The following PALLD variants were observed in gnomAD, a reference collection of about 807,000 sequenced individuals.
PALLD encodes the protein palladin, cytoskeletal associated protein.
In PALLD, 61 loss-of-function variants were observed where a neutral mutation model predicts 123.5. The observed-to-expected ratio is 0.49, with a 90% CI of 0.40 to 0.61. PALLD has a LOEUF of 0.61. Among genes scored for constraint, PALLD ranks in the 20% least tolerant of loss-of-function variants. The probability of loss-of-function intolerance (pLI) is 0.00; values close to 1 mark genes in which losing one functional copy is unlikely to be tolerated. For missense variants in PALLD, 1,273 were observed against 1,377.0 expected (o/e 0.92, Z 1.20); for synonymous variants, 465 against 496.4 (o/e 0.94, Z 0.84).
At chr4:168,546,551 C>T (rs1397392371) in intron 2 of PALLD, among the ~76,000 whole-genome samples, 1 of 152,080 alleles carries the variant, frequency 6.6e-6, no homozygotes, top group Non-Finnish European at 1.5e-5. Flanking sequence ...GAAGATGGAT[C>T]TTAGAGCCAG....
chr4:168,844,578 C>T lies in PALLD; in HGVS notation c.1965-46344C>T, dbSNP rs1746527430. 1 of 152,156 alleles carries T rather than the reference C, an allele frequency of 6.6e-6. No homozygotes were observed. Among genetic ancestry groups the T allele is most frequent in the African/African-American group, 2.4e-5 (1 of 41,430 alleles). The allele number at this position is 152,156 out of a possible 1,614,324, so 9.4% of individuals were successfully genotyped here. A position where few individuals can be genotyped will look rare whatever the true frequency, so the allele number is the denominator to read the frequency against. ...AAAACTGTGCCATCAGCGCAAGACC[C>T]TGTGATTTCTGTGGTATTCTAATTT... On this transcript the variant is annotated intron_variant, in intron 10 of 21. Transcript: ENST00000505667. This position sits in a 1 kb window ranked among gnomAD's most constrained non-coding sequence, Gnocchi z 4.5.
Position 168,597,360 on chromosome 4 carries a change from A to G in PALLD, c.909-70830A>G, listed in dbSNP as rs192760749. 1.1e-3 allele frequency among the ~76,000 whole-genome samples: 168 copies of G among 152,216 alleles called. 1 individual carries two copies. The highest frequency in any genetic ancestry group is 3.5e-3 in the African/African-American group (145 of 41,564). On this transcript the variant is annotated intron_variant, in intron 2 of 21. Coordinates refer to ENST00000505667, the MANE Select transcript of PALLD (RefSeq NM_001166108.2). ...GTGCCTGAAACTCATACAGTTTTGG[A>G]GACTTCTTTAAGAAAAAGAATACAA...
chr4:168,512,085 A>G lies in PALLD; in HGVS notation c.581A>G (p.Asn194Ser). ...GCAAAGCCAAGAAACAGAAGCCCAAATGGGGAGTCCTCGTCACCAGACAGT... is the reference window on the plus strand; with the variant it reads ...GCAAAGCCAAGAAACAGAAGCCCAAGTGGGGAGTCCTCGTCACCAGACAGT... The part of the protein sequence containing the change: ...KAAKPRNRSP[N>S]GESSSPDSGY... The change falls in exon 2 of 22, where the codon AAT (asparagine) becomes AGT (serine). Residue 194 changes from asparagine to serine, a missense_variant. This residue lies in a region of PALLD where 944 missense variants were observed against 954.5 expected (regional missense o/e 0.99). Coordinates refer to ENST00000505667, the MANE Select transcript of PALLD (RefSeq NM_001166108.2). 1 of 1,614,192 alleles carries G rather than the reference A, an allele frequency of 6.2e-7. No individual in the cohort carries two copies. The highest frequency in any genetic ancestry group is 8.5e-7 in the Non-Finnish European group (1 of 1,180,020).
At chr4:168,911,858 A>C (rs1387801966) in intron 15 of PALLD, among the ~76,000 whole-genome samples, 2 of 152,190 alleles carry the variant, frequency 1.3e-5, no homozygotes, top group Non-Finnish European at 2.9e-5. Context: ...CCTCAATAGC[A>C]AACACCGTGA....
At chr4:168,526,551 A>G (rs1301977420) in intron 2 of PALLD, among the ~76,000 whole-genome samples, 1 of 152,120 alleles carries the variant, frequency 6.6e-6, no homozygotes, top group Non-Finnish European at 1.5e-5. Flanking sequence ...CTCTTGCCTC[A>G]CTTTCTTCCA....
intron 10 of PALLD, among the ~76,000 whole-genome samples, chr4:168,746,298 G>A (rs1017819616): frequency 1.4e-5 from 2 of 146,398 alleles, no homozygotes; most frequent in Admixed American, 7.0e-5. Context: ...GGAGAATGGC[G>A]TGAACCCGGG....
intron 2 of PALLD, among the ~76,000 whole-genome samples, chr4:168,600,040 T>C (rs1203916551): frequency 6.6e-6 from 1 of 150,774 alleles, no homozygotes. Flanking sequence ...CATACATACA[T>C]GTGTATACAC....
chr4:168,561,142 C>G (rs947205422), intron 2 of PALLD, among the ~76,000 whole-genome samples: 1 of 152,170 alleles, frequency 6.6e-6, no homozygotes, highest in African/African-American at 2.4e-5. Context: ...TCCCTGGATG[C>G]AGTCAAGGAT....
chr4:168,499,876 T>C (rs1284085863), intron 1 of PALLD, among the ~76,000 whole-genome samples: 1 of 149,304 alleles, frequency 6.7e-6, no homozygotes, highest in Non-Finnish European at 1.5e-5. Flanking sequence ...AACTTTTTCT[T>C]TCAAAATTGT....
At chr4:168,544,456 T>C (rs1471847373) in intron 2 of PALLD, among the ~76,000 whole-genome samples, 1 of 152,262 alleles carries the variant, frequency 6.6e-6, no homozygotes, top group Non-Finnish European at 1.5e-5. Context: ...GTGTATCCAT[T>C]AATGGAAAAC....
intron 17 of PALLD, among the ~76,000 whole-genome samples, chr4:168,916,469 A>G (rs1236665562): frequency 1.6e-5 from 2 of 121,992 alleles, no homozygotes; most frequent in South Asian, 3.3e-4. Context: ...GGATATTTAT[A>G]TATTGTTTAC....
chr4:168,847,287 C>T (rs768641436), intron 10 of PALLD, among the ~76,000 whole-genome samples: 2 of 152,136 alleles, frequency 1.3e-5, no homozygotes, highest in African/African-American at 2.4e-5. Context: ...ACACTATTTG[C>T]ACTAATGAGT....
rs944096123 is a variant in PALLD at position 168,687,577 on chromosome 4, T to C, written c.1335+2018T>C. Among the ~76,000 whole-genome samples the C allele has an allele frequency of 2.0e-5, 3 of 152,194 alleles. No homozygotes were observed. The South Asian group carries it at 6.2e-4, about 32-fold the overall frequency. ...TGGTTTAAACAAATAAAGTCCATGCTGGTGGCACAAGGGAAGGAAAAGAGG... is the reference window on the plus strand; with the variant it reads ...TGGTTTAAACAAATAAAGTCCATGCCGGTGGCACAAGGGAAGGAAAAGAGG... On this transcript the variant is annotated intron_variant, in intron 6 of 21. Coordinates refer to ENST00000505667, the MANE Select transcript of PALLD (RefSeq NM_001166108.2).
intron 2 of PALLD, among the ~76,000 whole-genome samples, chr4:168,520,766 T>C (rs1763487529): frequency 6.6e-6 from 1 of 152,176 alleles, no homozygotes; most frequent in African/African-American, 2.4e-5. Flanking sequence ...AACACCATGA[T>C]GTTATGAAAA....
intron 2 of PALLD, among the ~76,000 whole-genome samples, chr4:168,560,489 T>C (rs1229524958): frequency 3.3e-5 from 5 of 152,222 alleles, no homozygotes; most frequent in Non-Finnish European, 5.9e-5. Flanking sequence ...TTTTGAAACT[T>C]TCTCTTAAAA....
At chr4:168,664,484 T>C (rs956892378) in intron 2 of PALLD, among the ~76,000 whole-genome samples, 10 of 152,242 alleles carry the variant, frequency 6.6e-5, no homozygotes, top group Admixed American at 2.0e-4. Context: ...ACCACTAGGC[T>C]GACCTGTTTT....
chr4:168,508,190 C>T (rs748463088), intron 1 of PALLD, among the ~76,000 whole-genome samples: 1 of 152,136 alleles, frequency 6.6e-6, no homozygotes, highest in Non-Finnish European at 1.5e-5. Flanking sequence ...GATGAATATG[C>T]TAGTTGCCCT....
At position 168,763,849 on chromosome 4, in the gene PALLD, A is replaced by G. The variant is rs978393705; in HGVS notation, c.1964+51926A>G. On this transcript the variant is annotated intron_variant, in intron 10 of 21. Transcript: ENST00000505667. The stretch of plus-strand genomic sequence containing the variant: ...TCAGGAGTGACCAGGCCTCCCACAG[A>G]CCTTTGCCTGTTTCCTCCCCAAGCG... Among the ~76,000 whole-genome samples, 10 of 152,018 alleles carry G rather than the reference A, an allele frequency of 6.6e-5. 1 individual carries two copies. Among genetic ancestry groups the G allele is most frequent in the African/African-American group, 2.2e-4 (9 of 41,366 alleles).
intron 2 of PALLD, among the ~76,000 whole-genome samples, chr4:168,526,692 G>C (rs750193080): frequency 6.6e-6 from 1 of 152,186 alleles, no homozygotes; most frequent in Non-Finnish European, 1.5e-5. Context: ...GCAAGTGTTA[G>C]AAATTACCCA....
Sources: allele counts gnomAD v4.1 joint callset (sites outside exome capture counted in the v4.1 genomes callset), GRCh38; gene constraint gnomAD v4.1.1; regional missense constraint gnomAD v4.1.1; non-coding constraint Gnocchi (gnomAD v3.1); transcripts MANE v1.5; gene names NCBI Gene and HGNC (gene_info 2026-07-23, HGNC 2026-07-21).